The following TP63 variants were observed in gnomAD, a reference collection of about 807,000 sequenced individuals.
The protein encoded by TP63 is tumor protein p63.
TP63 carries 17 observed loss-of-function variants against 82.8 expected under a neutral mutation model. The observed-to-expected ratio is 0.21, with a 90% CI of 0.14 to 0.31. The LOEUF is 0.31. TP63 is among the 10% of genes least tolerant of loss of function. TP63 has a pLI of 1.00. For missense variants in TP63, 648 were observed against 895.3 expected, an observed-to-expected ratio of 0.72 and a Z score of 3.52; for synonymous variants, 330 against 321.7, an observed-to-expected ratio of 1.03 and a Z score of -0.28.
the TP63 span, among the ~76,000 whole-genome samples, chr3:189,600,293 A>G: frequency 3.9e-5 from 6 of 152,138 alleles, no homozygotes; most frequent in African/African-American, 1.2e-4. Flanking sequence ...GTGAATTTGT[A>G]TAATGTGTTT....
intron 4 of TP63, among the ~76,000 whole-genome samples, chr3:189,829,605 A>C (rs1711987287): frequency 1.3e-5 from 2 of 152,212 alleles, no homozygotes; most frequent in Admixed American, 6.5e-5. Flanking sequence ...ATGGGCAGAG[A>C]CTAGATTTGG....
chr3:189,650,723 T>A (rs1712817693), intron 1 of TP63, among the ~76,000 whole-genome samples: 1 of 147,520 alleles, frequency 6.8e-6, no homozygotes, highest in Non-Finnish European at 1.5e-5. Flanking sequence ...TATGTCTTTA[T>A]TAGCAATGTG....
intron 1 of TP63, among the ~76,000 whole-genome samples, chr3:189,655,961 C>T (rs1162550211): frequency 6.6e-6 from 1 of 152,154 alleles, no homozygotes; most frequent in Non-Finnish European, 1.5e-5. Context: ...AAGACATTGA[C>T]AGGGACTCAT....
rs79014552 is a variant in TP63 at position 189,781,537 on chromosome 3, G to T, written c.325-26735G>T. Among the ~76,000 whole-genome samples, 1,227 of 152,038 alleles carry T rather than the reference G, an allele frequency of 8.1e-3. 10 individuals are homozygous for T. Among genetic ancestry groups the T allele is most frequent in the Non-Finnish European group, 0.013 (854 of 67,982 alleles). On this transcript the variant is annotated intron_variant, in intron 3 of 13. Transcript: ENST00000264731. ...TCTCTAAGAGCAAAATGCAATCCCC[G>T]CCCCACCTGGAGTTCATCTAGGATT...
At chr3:189,649,341 A>G (rs1426219947) in intron 1 of TP63, among the ~76,000 whole-genome samples, 1 of 147,084 alleles carries the variant, frequency 6.8e-6, no homozygotes, top group Non-Finnish European at 1.5e-5. Flanking sequence ...ATAGAACTGG[A>G]GGCTATTATT....
chr3:189,872,357 T>G (rs953260114), intron 9 of TP63, among the ~76,000 whole-genome samples: 1 of 151,818 alleles, frequency 6.6e-6, no homozygotes, highest in Admixed American at 6.6e-5. Flanking sequence ...ATCAGACTCG[T>G]GGCCAATTAG....
chr3:189,840,811 C>G (rs573912382), intron 4 of TP63, among the ~76,000 whole-genome samples: 1 of 137,068 alleles, frequency 7.3e-6, no homozygotes, highest in Non-Finnish European at 1.5e-5. Flanking sequence ...GAGCCGAGAT[C>G]ATGCCACTGC....
chr3:189,699,062 A>T (rs4687084), intron 1 of TP63, among the ~76,000 whole-genome samples: 150,472 of 152,252 alleles, frequency 0.99, 74,383 homozygotes, highest in Middle Eastern at 1. Flanking sequence ...TGGTTCCTCC[A>T]TTCACAAAGC....
chr3:189,651,967 C>G (rs1712931239), intron 1 of TP63, among the ~76,000 whole-genome samples: 1 of 147,014 alleles, frequency 6.8e-6, no homozygotes, highest in South Asian at 2.2e-4. Flanking sequence ...GAACCTCCAC[C>G]TAGATTTAAG....
chr3:189,861,368 A>T (rs889638515), intron 4 of TP63, among the ~76,000 whole-genome samples: 2 of 143,140 alleles, frequency 1.4e-5, no homozygotes, highest in Admixed American at 1.4e-4. Context: ...TGATGATCCT[A>T]TGGTGTGTTT....
At chr3:189,839,198 A>C (rs1348895301) in intron 4 of TP63, among the ~76,000 whole-genome samples, 3 of 152,164 alleles carry the variant, frequency 2.0e-5, no homozygotes, top group African/African-American at 7.2e-5. Flanking sequence ...CTCTGAAGAG[A>C]GAAGAATGAA....
At chr3:189,847,623 A>C (rs547803618) in intron 4 of TP63, among the ~76,000 whole-genome samples, 32 of 152,332 alleles carry the variant, frequency 2.1e-4, no homozygotes, top group Non-Finnish European at 1.5e-4. Context: ...GCATAATGCA[A>C]AGAGCCACAG....
At chr3:189,708,613 G>C (rs1375331734) in intron 1 of TP63, among the ~76,000 whole-genome samples, 4 of 152,128 alleles carry the variant, frequency 2.6e-5, no homozygotes, top group Non-Finnish European at 2.9e-5. Context: ...CGAATGAACA[G>C]GTTGTAAAGG....
intron 11 of TP63, among the ~76,000 whole-genome samples, chr3:189,887,065 T>G (rs1449251425): frequency 1.3e-5 from 2 of 151,796 alleles, no homozygotes; most frequent in Non-Finnish European, 2.9e-5. Context: ...AAAAGTTAGC[T>G]GAGCCTGGTG....
At chr3:189,623,761 G>T in the TP63 span, among the ~76,000 whole-genome samples, 1 of 152,166 alleles carries the variant, frequency 6.6e-6, no homozygotes, top group African/African-American at 2.4e-5. Flanking sequence ...ATCATTCACT[G>T]TAATGTATTT....
the TP63 span, among the ~76,000 whole-genome samples, chr3:189,604,673 G>A: frequency 2.6e-5 from 4 of 152,164 alleles, no homozygotes; most frequent in Admixed American, 1.3e-4. Flanking sequence ...AGGTTGCCGG[G>A]AGAGGGGAAA....
intron 1 of TP63, among the ~76,000 whole-genome samples, chr3:189,724,874 T>C (rs920276550): frequency 6.6e-6 from 1 of 151,952 alleles, no homozygotes; most frequent in Admixed American, 6.6e-5. Context: ...GGCAGTGGGG[T>C]GGATGGGGGT....
chr3:189,796,162 G>C (rs938813083), intron 3 of TP63, among the ~76,000 whole-genome samples: 2 of 151,998 alleles, frequency 1.3e-5, no homozygotes, highest in Non-Finnish European at 2.9e-5. Context: ...TAACAGAGCA[G>C]AGGGAAATAT....
At chr3:189,761,849 G>A (rs962111424) in intron 3 of TP63, among the ~76,000 whole-genome samples, 6 of 152,224 alleles carry the variant, frequency 3.9e-5, no homozygotes, top group Admixed American at 1.3e-4. Flanking sequence ...GCAAGGAGGA[G>A]CAAGTCACAT....
Sources: gnomAD v4.1 joint callset for allele counts (sites outside exome capture counted in the v4.1 genomes callset) on GRCh38, gnomAD v4.1.1 for gene constraint, MANE v1.5 for transcripts, NCBI Gene and HGNC (gene_info 2026-07-23, HGNC 2026-07-21) for gene names.